The following ASCC3 variants were observed in gnomAD, a reference collection of about 807,000 sequenced individuals.
ASCC3 encodes activating signal cointegrator 1 complex subunit 3, also known as ASC-1 complex subunit P200.
ASCC3 carries 158 observed loss-of-function variants against 256.3 expected under a neutral mutation model. That is an observed-to-expected ratio of 0.62 (90% CI 0.54 to 0.70). The LOEUF (loss-of-function observed/expected upper bound fraction) is 0.70, where lower values mean the gene tolerates loss of function less well. Among genes scored for constraint, ASCC3 ranks in the 30% least tolerant of loss-of-function variants. ASCC3 has a pLI of 0.00. For missense variants in ASCC3, 2,259 were observed against 2,626.0 expected (o/e 0.86, Z 3.05); for synonymous variants, 948 against 883.4 (o/e 1.07, Z -1.30).
intron 30 of ASCC3, among the ~76,000 whole-genome samples, chr6:100,608,071 CAT>C (rs1491583328): frequency 2.8e-5 from 3 of 106,318 alleles, no homozygotes; most frequent in African/African-American, 7.4e-5. Flanking sequence ...CATATATATA[CAT>C]ATATATGTAT....
intron 34 of ASCC3, among the ~76,000 whole-genome samples, chr6:100,590,718 T>C (rs2114774044): frequency 6.6e-6 from 1 of 152,188 alleles, no homozygotes; most frequent in East Asian, 1.9e-4. Flanking sequence ...ATTCATAGTC[T>C]GGGAAAAGGG....
Position 100,545,075 on chromosome 6 carries a change from GA to G in ASCC3, c.5551-4689del, listed in dbSNP as rs1011401716. Among the ~76,000 whole-genome samples, 230 of 148,984 alleles carry G rather than the reference GA, an allele frequency of 1.5e-3. 3 individuals are homozygous for G. The highest frequency in any genetic ancestry group is 5.3e-3 in the African/African-American group (217 of 40,864). On this transcript the variant is annotated intron_variant, in intron 36 of 41. Coordinates refer to ENST00000369162, the MANE Select transcript of ASCC3 (RefSeq NM_006828.4). ...ACCACATTATCATCTCAGTTATACA[GA>G]AAAAAAAAATCTGACAAAGTTCAAC...
intron 8 of ASCC3, among the ~76,000 whole-genome samples, chr6:100,793,999 C>T (rs1769480040): frequency 6.6e-6 from 1 of 152,028 alleles, no homozygotes; most frequent in African/African-American, 2.4e-5. Context: ...TCTGCCTCAT[C>T]CCCTCCTATT....
chr6:100,536,088 G>GA lies in ASCC3; in HGVS notation c.5775+4074dup, dbSNP rs1246529838. 4.6e-5 allele frequency among the ~76,000 whole-genome samples: 7 copies of GA among 151,990 alleles called. No homozygotes were observed. The East Asian group carries it at 5.8e-4, about 13-fold the overall frequency. On this transcript the variant is annotated intron_variant, in intron 37 of 41. Transcript: ENST00000369162. ...ATGTATGAAGAAAAAGTCTCTAAAG[G>GA]AAAAAAAGAACTGTAAACAACTACT...
At chr6:100,713,736 A>T (rs1375182867) in intron 13 of ASCC3, among the ~76,000 whole-genome samples, 1 of 152,176 alleles carries the variant, frequency 6.6e-6, no homozygotes, top group Non-Finnish European at 1.5e-5. Context: ...TAAAAAAACT[A>T]AATTGAGAAA....
chr6:100,707,851 T>C (rs1478041851), intron 13 of ASCC3, among the ~76,000 whole-genome samples: 2 of 152,132 alleles, frequency 1.3e-5, no homozygotes, highest in South Asian at 2.1e-4. Flanking sequence ...CAGTTCCTTA[T>C]ATCTAGCTCT....
At chr6:100,564,513 A>G (rs796366741) in intron 36 of ASCC3, among the ~76,000 whole-genome samples, 4 of 152,154 alleles carry the variant, frequency 2.6e-5, no homozygotes, top group Non-Finnish European at 2.9e-5. Flanking sequence ...TCCATCCATT[A>G]TAAAAGCCCA....
At chr6:100,761,301 G>A (rs1781408960) in intron 10 of ASCC3, among the ~76,000 whole-genome samples, 1 of 152,004 alleles carries the variant, frequency 6.6e-6, no homozygotes, top group South Asian at 2.1e-4. Flanking sequence ...AATAGCCTGG[G>A]CAACATGGCA....
intron 3 of ASCC3, among the ~76,000 whole-genome samples, chr6:100,861,742 G>T (rs1235715557): frequency 6.6e-6 from 1 of 151,970 alleles, no homozygotes; most frequent in African/African-American, 2.4e-5. Context: ...TCCCTTAAAC[G>T]CATGGGCCAG....
At chr6:100,535,894 A>T (rs1775136958) in intron 37 of ASCC3, among the ~76,000 whole-genome samples, 1 of 152,174 alleles carries the variant, frequency 6.6e-6, no homozygotes, top group Non-Finnish European at 1.5e-5. Context: ...GCATACCCAA[A>T]TGTCTAATAA....
At chr6:100,736,908 G>T (rs1780197070) in intron 10 of ASCC3, among the ~76,000 whole-genome samples, 1 of 152,162 alleles carries the variant, frequency 6.6e-6, no homozygotes, top group African/African-American at 2.4e-5. Context: ...AGGACTTTGG[G>T]AGGCTGAGGC....
intron 3 of ASCC3, chr6:100,859,131 C>A (rs1015797704): frequency 1.3e-5 from 10 of 779,858 alleles, no homozygotes; most frequent in Admixed American, 1.2e-4. Flanking sequence ...CTGAATCTGT[C>A]AGAAGCTCTG....
chr6:100,672,263 G>A (rs1242471793), intron 14 of ASCC3, among the ~76,000 whole-genome samples: 5 of 151,898 alleles, frequency 3.3e-5, no homozygotes, highest in Non-Finnish European at 7.4e-5. Flanking sequence ...CTCCATAAGC[G>A]TAAAGGGATG....
At chr6:100,578,904 T>C (rs1449727843) in intron 36 of ASCC3, among the ~76,000 whole-genome samples, 1 of 151,818 alleles carries the variant, frequency 6.6e-6, no homozygotes, top group East Asian at 1.9e-4. Flanking sequence ...TGACAAATTG[T>C]CACACTGCTT....
chr6:100,586,871 G>A (rs1771719855), intron 36 of ASCC3, among the ~76,000 whole-genome samples: 1 of 152,064 alleles, frequency 6.6e-6, no homozygotes, highest in Admixed American at 6.6e-5. Context: ...AAAATTTAAG[G>A]AAATATTATG....
At chr6:100,874,986 A>G (rs1773928176) in intron 1 of ASCC3, among the ~76,000 whole-genome samples, 1 of 152,264 alleles carries the variant, frequency 6.6e-6, no homozygotes, top group South Asian at 2.1e-4. Flanking sequence ...GAGACCAAAC[A>G]ACATGTCTCA....
At chr6:100,687,028 T>TCACACACACA (rs1201705191) in intron 13 of ASCC3, among the ~76,000 whole-genome samples, 930 of 89,076 alleles carry the variant, frequency 0.01, 5 homozygotes, top group East Asian at 0.027. Context: ...TCTCTCTCTC[T>TCACACACACA]CTCTCTCACA....
At chr6:100,859,879 A>T (rs1773139202) in intron 3 of ASCC3, among the ~76,000 whole-genome samples, 1 of 152,040 alleles carries the variant, frequency 6.6e-6, no homozygotes, top group African/African-American at 2.4e-5. Context: ...CTTGATTTGC[A>T]TCCATACTAT....
intron 30 of ASCC3, among the ~76,000 whole-genome samples, chr6:100,617,044 A>G (rs1773699828): frequency 6.6e-6 from 1 of 152,002 alleles, no homozygotes. Flanking sequence ...TTGCTCTGTC[A>G]CCCAGGCTGG....
Sources: allele counts gnomAD v4.1 joint callset (sites outside exome capture counted in the v4.1 genomes callset), GRCh38; gene constraint gnomAD v4.1.1; transcripts MANE v1.5; gene names NCBI Gene and HGNC (gene_info 2026-07-23, HGNC 2026-07-21).